Variants in CNOT2 observed in about 807,000 individuals in gnomAD.
The protein encoded by CNOT2 is CCR4-NOT transcription complex subunit 2.
In CNOT2, 7 loss-of-function variants were observed where a neutral mutation model predicts 72.1. That is an observed-to-expected ratio of 0.10 (90% CI 0.06 to 0.18). The LOEUF (loss-of-function observed/expected upper bound fraction) is 0.18. CNOT2 is among the 10% of genes least tolerant of loss of function. CNOT2 has a pLI of 1.00. For synonymous variants in CNOT2, 196 were observed against 225.6 expected (o/e 0.87, Z 1.17); for missense variants, 345 against 660.3 (o/e 0.52, Z 5.23).
At chr12:70,328,718 T>TAA (rs200104483) in intron 4 of CNOT2, among the ~76,000 whole-genome samples, 9 of 143,436 alleles carry the variant, frequency 6.3e-5, no homozygotes, top group Admixed American at 2.1e-4. Flanking sequence ...TAGCAGTCTT[T>TAA]AAAAAAAAAA....
At chr12:70,266,505 T>C (rs1959053159) in intron 1 of CNOT2, among the ~76,000 whole-genome samples, 1 of 152,204 alleles carries the variant, frequency 6.6e-6, no homozygotes, top group East Asian at 1.9e-4. Flanking sequence ...TGCTGACTTT[T>C]GTTTACTTGC....
At chr12:70,282,769 T>C (rs1333622528) in intron 2 of CNOT2, among the ~76,000 whole-genome samples, 2 of 152,222 alleles carry the variant, frequency 1.3e-5, no homozygotes, top group Non-Finnish European at 2.9e-5. Flanking sequence ...TTATTACATA[T>C]ATGTTTTTCA....
At chr12:70,282,239 G>A (rs1331609812) in intron 2 of CNOT2, among the ~76,000 whole-genome samples, 1 of 152,140 alleles carries the variant, frequency 6.6e-6, no homozygotes, top group Non-Finnish European at 1.5e-5. Flanking sequence ...TACTTTGAAT[G>A]GAACTTTTCA....
At chr12:70,283,930 AT>A (rs776119049) in intron 2 of CNOT2, among the ~76,000 whole-genome samples, 585 of 117,416 alleles carry the variant, frequency 5.0e-3, no homozygotes, top group East Asian at 0.044. Flanking sequence ...CATGATGTAA[AT>A]TTTTTTTTTT....
intron 7 of CNOT2, among the ~76,000 whole-genome samples, chr12:70,334,096 A>G (rs1880336528): frequency 6.6e-6 from 1 of 152,028 alleles, no homozygotes; most frequent in African/African-American, 2.4e-5. Flanking sequence ...TAACTTTATT[A>G]GGTTGAAACA....
chr12:70,265,393 C>A (rs1313782013), intron 1 of CNOT2, among the ~76,000 whole-genome samples: 2 of 150,650 alleles, frequency 1.3e-5, no homozygotes, highest in Non-Finnish European at 3.0e-5. Flanking sequence ...TGTAAGACTT[C>A]AGGTTTTTTG....
At chr12:70,304,032 G>A (rs140234825) in intron 2 of CNOT2, among the ~76,000 whole-genome samples, 4,471 of 152,106 alleles carry the variant, frequency 0.029, 140 homozygotes, top group African/African-American at 0.068. Context: ...TCACGTTCTC[G>A]TGCCGTGGTT....
In CNOT2 at chr12:70,266,402, C is replaced by T. The variant is rs555758564; in HGVS notation, c.-95-11730C>T. Among the ~76,000 whole-genome samples, 6 of 152,244 alleles carry T rather than the reference C, an allele frequency of 3.9e-5. No homozygotes were observed. In the South Asian group the frequency reaches 8.3e-4, roughly 21 times the overall value. ...CCTCCCAAAGTGCTGGGATTACAGG[C>T]GTGAGCCACAGCACCCGGCCGTTGA... On this transcript the variant is annotated intron_variant, in intron 1 of 15. Coordinates refer to ENST00000229195, the MANE Select transcript of CNOT2 (RefSeq NM_014515.7).
chr12:70,348,103 T>TAC (rs913098876), intron 15 of CNOT2: 3 of 152,190 alleles, frequency 2.0e-5, no homozygotes, highest in South Asian at 2.1e-4. Flanking sequence ...TATGTTTATA[T>TAC]ACACACACAC....
At chr12:70,278,730 G>A (rs1219667330) in intron 2 of CNOT2, among the ~76,000 whole-genome samples, 1 of 152,124 alleles carries the variant, frequency 6.6e-6, no homozygotes, top group Non-Finnish European at 1.5e-5. Flanking sequence ...AGGGTGCTTA[G>A]AGACCCAAAT....
intron 15 of CNOT2, among the ~76,000 whole-genome samples, chr12:70,349,817 T>C (rs905027082): frequency 6.6e-6 from 1 of 150,822 alleles, no homozygotes; most frequent in Non-Finnish European, 1.5e-5. Context: ...CTGGGCAACA[T>C]AGCAAGACTC....
At chr12:70,250,653 G>A (rs1958101222) in intron 1 of CNOT2, among the ~76,000 whole-genome samples, 1 of 152,132 alleles carries the variant, frequency 6.6e-6, no homozygotes, top group African/African-American at 2.4e-5. Context: ...AGGGTGATGA[G>A]AGAAGACTTC....
chr12:70,336,414 T>C (rs1880707060), intron 8 of CNOT2: 1 of 152,232 alleles, frequency 6.6e-6, no homozygotes, highest in Admixed American at 6.5e-5. Context: ...ACTATTTTTA[T>C]CACATAGTTT....
At chr12:70,243,993 C>T (rs1593003363) in intron 1 of CNOT2, 1 of 152,298 alleles carries the variant, frequency 6.6e-6, no homozygotes. Context: ...TCTGTGGCTT[C>T]TTACCTTCTC....
At chr12:70,317,155 T>C (rs998118081) in intron 3 of CNOT2, among the ~76,000 whole-genome samples, 6 of 152,050 alleles carry the variant, frequency 3.9e-5, no homozygotes, top group Middle Eastern at 3.2e-3. Context: ...TGTATTACTA[T>C]TAGGAAAACC....
In CNOT2 at chr12:70,309,966, G is replaced by C. The variant is rs1199468475; in HGVS notation, c.49-929G>C. On this transcript the variant is annotated intron_variant, in intron 2 of 15. Transcript: ENST00000229195. ...TTGAAAATATTTGGGGAAAAATAATGGATGGTTGTGTCTGTACTGAACATG... is the reference window on the plus strand; with the variant it reads ...TTGAAAATATTTGGGGAAAAATAATCGATGGTTGTGTCTGTACTGAACATG... Among the ~76,000 whole-genome samples, 5 of 151,994 alleles carry C rather than the reference G, an allele frequency of 3.3e-5. No homozygotes were observed. The East Asian group carries it at 9.6e-4, about 29-fold the overall frequency.
intron 2 of CNOT2, among the ~76,000 whole-genome samples, chr12:70,303,561 T>C (rs1444200510): frequency 6.6e-6 from 1 of 152,250 alleles, no homozygotes; most frequent in African/African-American, 2.4e-5. Flanking sequence ...CTCTTCTGGC[T>C]TGTAGAGTTT....
chr12:70,354,086 TAATTATGTGCTGCCCAAC>T lies in CNOT2; in HGVS notation c.*174_*191del. Reference sequence around the variant, plus strand: ...GTCACCATTTGAGGTCCTGCCTTACTAATTATGTGCTGCCCAACAACTAAATTTGTAATTTGTTTTTCT... The same window carrying T: ...GTCACCATTTGAGGTCCTGCCTTACTAACTAAATTTGTAATTTGTTTTTCT... On this transcript the variant is annotated 3_prime_UTR_variant, in exon 16 of 16. Transcript: ENST00000229195. 2 of 1,204,340 alleles carry T rather than the reference TAATTATGTGCTGCCCAAC, an allele frequency of 1.7e-6. No homozygotes were observed. The highest frequency in any genetic ancestry group is 2.2e-6 in the Non-Finnish European group (2 of 914,534). 74.6% of individuals were successfully genotyped at this position (1,204,340 alleles called of 1,614,324 possible). A position where few individuals can be genotyped will look rare whatever the true frequency, so the allele number is the denominator to read the frequency against.
intron 3 of CNOT2, among the ~76,000 whole-genome samples, chr12:70,317,894 C>T (rs1877631906): frequency 6.6e-6 from 1 of 151,692 alleles, no homozygotes; most frequent in Non-Finnish European, 1.5e-5. Context: ...AAAAAACAAA[C>T]AAAAATACAT....
Sources: allele counts gnomAD v4.1 joint callset (sites outside exome capture counted in the v4.1 genomes callset), GRCh38; gene constraint gnomAD v4.1.1; transcripts MANE v1.5; gene names NCBI Gene and HGNC (gene_info 2026-07-23, HGNC 2026-07-21).